The following ANO6 variants were observed in gnomAD, a reference collection of about 807,000 sequenced individuals.
ANO6 encodes anoctamin-6.
ANO6 carries 106 observed loss-of-function variants against 117.5 expected under a neutral mutation model. The observed-to-expected ratio is 0.90, with a 90% CI of 0.77 to 1.06. The LOEUF (loss-of-function observed/expected upper bound fraction) is 1.06. ANO6 is among the 50% of genes least tolerant of loss of function. The pLI, the probability that ANO6 is intolerant of heterozygous loss-of-function variation, is 0.00. For missense variants in ANO6, 955 were observed against 1,121.1 expected (o/e 0.85, Z 2.12); for synonymous variants, 367 against 385.1 (o/e 0.95, Z 0.55).
At chr12:45,391,477 A>G (rs1400581114) in intron 12 of ANO6, among the ~76,000 whole-genome samples, 1 of 152,220 alleles carries the variant, frequency 6.6e-6, no homozygotes, top group Admixed American at 6.5e-5. Context: ...ATTATTCAAT[A>G]AATAGTAATG....
In ANO6 at chr12:45,263,669, A is replaced by G. The variant is rs113998429; in HGVS notation, c.71-38345A>G. 6.4e-3 allele frequency among the ~76,000 whole-genome samples: 974 copies of G among 152,198 alleles called. 6 individuals carry two copies. The highest frequency in any genetic ancestry group is 0.022 in the African/African-American group (898 of 41,524). ...TGCCTCTGGCAGGATTACATGAAGA[A>G]TGGGGGCTGAGAAGTGAGTGTATCC... On this transcript the variant is annotated intron_variant, in intron 1 of 19. Coordinates refer to ENST00000320560, the MANE Select transcript of ANO6 (RefSeq NM_001025356.3).
chr12:45,416,856 A>G lies in ANO6; in HGVS notation c.2169A>G (p.Ala723=), dbSNP rs1565766369. 1 of 1,614,208 alleles carries G rather than the reference A, an allele frequency of 6.2e-7. No individual in the cohort carries two copies. Among genetic ancestry groups the G allele is most frequent in the Non-Finnish European group, 8.5e-7 (1 of 1,180,022 alleles). The change falls in exon 17 of 20, where the codon GCA becomes GCG. Residue 723 remains alanine, a synonymous_variant. Coordinates refer to ENST00000320560, the MANE Select transcript of ANO6 (RefSeq NM_001025356.3). ...LVPEKAQDIG[A]WQPIMQGIAI... is the part of the protein sequence containing the mutation. Reference sequence around the variant, plus strand: ...CAGAGAAAGCCCAAGACATTGGAGCATGGCAGCCCATCATGCAAGGAATAG... The same window carrying G: ...CAGAGAAAGCCCAAGACATTGGAGCGTGGCAGCCCATCATGCAAGGAATAG...
chr12:45,424,023 CTT>C (rs56964611), intron 19 of ANO6, among the ~76,000 whole-genome samples: 9 of 142,068 alleles, frequency 6.3e-5, no homozygotes, highest in Non-Finnish European at 9.3e-5. Flanking sequence ...TATACTAGTT[CTT>C]TTTTTTTTTT....
At chr12:45,317,520 A>G (rs1480923377) in intron 2 of ANO6, among the ~76,000 whole-genome samples, 3 of 151,704 alleles carry the variant, frequency 2.0e-5, no homozygotes, top group Non-Finnish European at 4.4e-5. Flanking sequence ...CCAGTCTATC[A>G]TTGTTGGACA....
chr12:45,220,364 G>T (rs1441367992), intron 1 of ANO6, among the ~76,000 whole-genome samples: 1 of 152,146 alleles, frequency 6.6e-6, no homozygotes, highest in Non-Finnish European at 1.5e-5. Flanking sequence ...GAGAGATAAT[G>T]ATCCAGCTAT....
intron 6 of ANO6, among the ~76,000 whole-genome samples, chr12:45,350,162 G>A (rs1941243157): frequency 1.3e-5 from 2 of 152,202 alleles, no homozygotes; most frequent in African/African-American, 4.8e-5. Flanking sequence ...ATGATACCCA[G>A]CTTTATTGTT....
chr12:45,221,589 G>T (rs1199785535), intron 1 of ANO6, among the ~76,000 whole-genome samples: 1 of 152,166 alleles, frequency 6.6e-6, no homozygotes, highest in Non-Finnish European at 1.5e-5. Context: ...CTTTTGGAAA[G>T]ATCTCCATGG....
intron 1 of ANO6, among the ~76,000 whole-genome samples, chr12:45,266,423 G>A (rs989298433): frequency 6.6e-6 from 1 of 152,034 alleles, no homozygotes; most frequent in African/African-American, 2.4e-5. Flanking sequence ...TAAAAGATTA[G>A]GTTGGCACAT....
chr12:45,226,769 A>G (rs1361029920), intron 1 of ANO6, among the ~76,000 whole-genome samples: 2 of 151,966 alleles, frequency 1.3e-5, no homozygotes, highest in Non-Finnish European at 1.5e-5. Context: ...TAAGAAAAAT[A>G]TATTTCCCAC....
At chr12:45,377,189 T>A (rs1009120877) in intron 9 of ANO6, among the ~76,000 whole-genome samples, 4 of 152,082 alleles carry the variant, frequency 2.6e-5, no homozygotes, top group African/African-American at 7.2e-5. Flanking sequence ...TCCCTGTCCT[T>A]TTATATTATC....
chr12:45,406,282 C>T (rs1425444449), intron 15 of ANO6, among the ~76,000 whole-genome samples: 1 of 152,232 alleles, frequency 6.6e-6, no homozygotes, highest in Non-Finnish European at 1.5e-5. Flanking sequence ...ACAGAGTTGT[C>T]AGTGAGACCC....
At position 45,378,122 on chromosome 12, in the gene ANO6, T is replaced by TG; in HGVS notation, c.1165+9_1165+10insG. ...ATTTATGGGAGTATGGGGTAAGTTT[T>TG]TTTTTTTTTTTTCATGCACTCAATT... On this transcript the variant is annotated intron_variant, in intron 10 of 19. Transcript: ENST00000320560. The TG allele has an allele frequency of 6.3e-7, 1 of 1,592,248 alleles. No homozygotes were observed. The highest frequency in any genetic ancestry group is 1.3e-5 in the African/African-American group (1 of 74,126).
At chr12:45,373,919 A>ATTAATTTTTT (rs1941923615) in intron 9 of ANO6, among the ~76,000 whole-genome samples, 1 of 152,250 alleles carries the variant, frequency 6.6e-6, no homozygotes, top group Non-Finnish European at 1.5e-5. Context: ...TAATGAATCC[A>ATTAATTTTTT]GGAGCATGTT....
intron 1 of ANO6, among the ~76,000 whole-genome samples, chr12:45,277,054 TTATC>T (rs566069702): frequency 1.0e-3 from 155 of 152,270 alleles, no homozygotes; most frequent in African/African-American, 1.9e-3. Flanking sequence ...AAATTATAAT[TTATC>T]TATTTTTCAG....
intron 1 of ANO6, among the ~76,000 whole-genome samples, chr12:45,249,112 T>C (rs1448377243): frequency 6.6e-6 from 1 of 152,172 alleles, no homozygotes; most frequent in Non-Finnish European, 1.5e-5. Context: ...ACACAAATGT[T>C]AAGTTGCTTT....
chr12:45,241,033 G>A (rs1177470537), intron 1 of ANO6, among the ~76,000 whole-genome samples: 3 of 152,080 alleles, frequency 2.0e-5, no homozygotes, highest in African/African-American at 7.2e-5. Flanking sequence ...GTGTCTTGAG[G>A]TTGCTCTTCT....
chr12:45,327,636 A>G (rs958087637), intron 2 of ANO6, among the ~76,000 whole-genome samples: 3 of 152,312 alleles, frequency 2.0e-5, no homozygotes, highest in South Asian at 2.1e-4. Flanking sequence ...ATAAAACAGT[A>G]TGTATAATAT....
chr12:45,240,351 ATTTTTTTTTTTT>A (rs57126852), intron 1 of ANO6, among the ~76,000 whole-genome samples: 1 of 30,700 alleles, frequency 3.3e-5, no homozygotes, highest in Non-Finnish European at 8.7e-5. Context: ...GCAACCCCTG[ATTTTTTTTTTTT>A]TTTTTTTTTT....
At chr12:45,436,344 TAGCAAGCTCTGAATAA>T (rs1364925669), downstream of ANO6, among the ~76,000 whole-genome samples, 1 of 152,216 alleles carries the variant, frequency 6.6e-6, no homozygotes, top group Non-Finnish European at 1.5e-5. Context: ...TCCCTTGCTA[TAGCAAGCTCTGAATAA>T]ATAGGCTTTG....
Sources: gnomAD v4.1 joint callset for allele counts (sites outside exome capture counted in the v4.1 genomes callset) on GRCh38, gnomAD v4.1.1 for gene constraint, MANE v1.5 for transcripts, NCBI Gene and HGNC (gene_info 2026-07-23, HGNC 2026-07-21) for gene names.